Variants in CARD19 observed in about 807,000 individuals in gnomAD.
CARD19 encodes the protein caspase recruitment domain family member 19, also known as caspase recruitment domain-containing protein 19.
In CARD19, 25 loss-of-function variants were observed where a neutral mutation model predicts 24.1. The observed-to-expected ratio is 1.04, with a 90% CI of 0.76 to 1.45. CARD19 has a LOEUF of 1.45. Ranked by LOEUF, CARD19 falls within the 40% of genes most tolerant of loss-of-function variation. The pLI is 0.00. For missense variants in CARD19, 241 were observed against 247.4 expected, an observed-to-expected ratio of 0.97 and a Z score of 0.17; for synonymous variants, 103 against 104.9, an observed-to-expected ratio of 0.98 and a Z score of 0.11.
intron 1 of CARD19, among the ~76,000 whole-genome samples, chr9:93,103,429 AC>A (rs763437119): frequency 5.3e-5 from 8 of 152,374 alleles, no homozygotes; most frequent in Non-Finnish European, 2.9e-5. Context: ...AATACCTAAC[AC>A]AATGTAAATG....
intron 1 of CARD19, among the ~76,000 whole-genome samples, chr9:93,100,701 C>T (rs567327853): frequency 3.3e-5 from 5 of 152,298 alleles, no homozygotes; most frequent in East Asian, 1.9e-4. Flanking sequence ...ATTTTGTACC[C>T]GTTAAACAAT....
At chr9:93,107,252 C>T (rs776312143) in intron 1 of CARD19, among the ~76,000 whole-genome samples, 8 of 152,290 alleles carry the variant, frequency 5.3e-5, no homozygotes, top group African/African-American at 1.4e-4. Context: ...GTTGGTATTA[C>T]GGGTGTGAGC....
intron 2 of CARD19, among the ~76,000 whole-genome samples, 183 bp downstream of exon 2, chr9:93,107,999 T>C (rs1318701446): frequency 6.6e-6 from 1 of 152,204 alleles, no homozygotes; most frequent in East Asian, 1.9e-4. Context: ...AAACTGGCCC[T>C]TTGGGGTGAG....
rs767922322 is a variant in CARD19, at chr9:93,107,657, T to A, written c.8-17T>A. ...CTTGGGCTGTGCTGGCTCATGACCC[T>A]GTGCTATCTGTTTTAGATCAGACCT... On this transcript the variant is annotated splice_polypyrimidine_tract_variant and intron_variant, in intron 1 of 5. Coordinates refer to ENST00000375464, the MANE Select transcript of CARD19 (RefSeq NM_032310.5). 2.5e-6 allele frequency: 4 copies of A among 1,614,136 alleles called. No individual in the cohort carries two copies. The highest frequency in any genetic ancestry group is 1.7e-5 in the Admixed American group (1 of 60,026).
At position 93,096,223 on chromosome 9, in the gene CARD19, G is replaced by A. The variant is rs1341802855; in HGVS notation, c.-123G>A. 4.7e-6 allele frequency: 5 copies of A among 1,064,012 alleles called. No homozygotes were observed. The South Asian group carries it at 2.4e-4, about 50-fold the overall frequency. 65.9% of individuals were successfully genotyped at this position (1,064,012 alleles called of 1,614,324 possible). ...GCCGGGGGGCTGGCCTAGCCAAAAG[G>A]GGCGGGCGAGCACGGCCCGCGGGCG... is the stretch of plus-strand genomic sequence containing the variant. On this transcript the variant is annotated 5_prime_UTR_variant, in exon 1 of 6. Transcript: ENST00000375464. This position sits in a 1 kb window ranked among gnomAD's most constrained non-coding sequence, Gnocchi z 5.4.
chr9:93,111,651 A>T, intron 3 of CARD19: 1 of 1,384,738 alleles, frequency 7.2e-7, no homozygotes, highest in Middle Eastern at 2.7e-4. Flanking sequence ...CTGGAGGTAG[A>T]GCACCTTCTG....
intron 2 of CARD19, 25 bp from the exon 3 acceptor site, chr9:93,110,543 C>G (rs1364538481): frequency 5.7e-6 from 9 of 1,568,350 alleles, no homozygotes; most frequent in Non-Finnish European, 7.8e-6. Context: ...GCCTGATCTT[C>G]CCTGGCACCC....
At chr9:93,101,528 C>T (rs983160961) in intron 1 of CARD19, among the ~76,000 whole-genome samples, 25 of 151,912 alleles carry the variant, frequency 1.6e-4, no homozygotes, top group East Asian at 9.6e-4. Flanking sequence ...CAACCTCTAC[C>T]GTCCGGGTTG....
chr9:93,099,999 C>T (rs1229640584), intron 1 of CARD19, among the ~76,000 whole-genome samples: 1 of 152,180 alleles, frequency 6.6e-6, no homozygotes, highest in African/African-American at 2.4e-5. Flanking sequence ...AATGCCAGCC[C>T]GCACCCCTAC....
chr9:93,105,112 CCT>C (rs1433756737), intron 1 of CARD19, among the ~76,000 whole-genome samples: 1 of 151,698 alleles, frequency 6.6e-6, no homozygotes, highest in Non-Finnish European at 1.5e-5. Context: ...TATAATTTTC[CCT>C]CTCAGCATTG....
intron 1 of CARD19, among the ~76,000 whole-genome samples, chr9:93,105,314 T>C (rs1827215597): frequency 6.6e-6 from 1 of 152,158 alleles, no homozygotes; most frequent in Non-Finnish European, 1.5e-5. Flanking sequence ...AGAGTCTTGC[T>C]CTGTCACCCA....
intron 1 of CARD19, among the ~76,000 whole-genome samples, chr9:93,100,163 C>T (rs578238582): frequency 1.3e-5 from 2 of 152,326 alleles, no homozygotes; most frequent in East Asian, 1.9e-4. Context: ...GGTGGGTCCA[C>T]ATTCTGGGGT....
chr9:93,096,227 G>C lies in CARD19; in HGVS notation c.-119G>C. On this transcript the variant is annotated 5_prime_UTR_variant, in exon 1 of 6. Transcript: ENST00000375464. This position sits in a 1 kb window ranked among gnomAD's most constrained non-coding sequence, Gnocchi z 5.4. ...GGGGGCTGGCCTAGCCAAAAGGGGCGGGCGAGCACGGCCCGCGGGCGGCGT... is the reference window on the plus strand; with the variant it reads ...GGGGGCTGGCCTAGCCAAAAGGGGCCGGCGAGCACGGCCCGCGGGCGGCGT... 3.7e-6 allele frequency: 4 copies of C among 1,088,164 alleles called. No individual in the cohort carries two copies. In the South Asian group the frequency reaches 1.9e-4, roughly 50 times the overall value. The allele number at this position is 1,088,164 out of a possible 1,614,324, so 67.4% of individuals were successfully genotyped here. A position where few individuals can be genotyped will look rare whatever the true frequency, so the allele number is the denominator to read the frequency against.
chr9:93,104,559 A>G (rs1322141083), intron 1 of CARD19, among the ~76,000 whole-genome samples: 1 of 152,150 alleles, frequency 6.6e-6, no homozygotes, highest in African/African-American at 2.4e-5. Flanking sequence ...CTTTAAATAT[A>G]TGGTAGAATT....
intron 3 of CARD19, 118 bp downstream of exon 3, chr9:93,110,839 TG>T: frequency 1.3e-6 from 2 of 1,535,832 alleles, no homozygotes; most frequent in Non-Finnish European, 1.7e-6. Context: ...AGCCCAGGCC[TG>T]GCATCCCCTC....
intron 1 of CARD19, among the ~76,000 whole-genome samples, chr9:93,107,414 T>A (rs1268715898): frequency 6.6e-6 from 1 of 152,276 alleles, no homozygotes; most frequent in Non-Finnish European, 1.5e-5. Flanking sequence ...TTGTTTTCTG[T>A]GATAAGCTCT....
At chr9:93,107,837 G>C (rs981758353) in intron 2 of CARD19, 21 bp downstream of exon 2, 1 of 1,613,820 alleles carries the variant, frequency 6.2e-7, no homozygotes, top group South Asian at 1.1e-5. Flanking sequence ...GGTGAGGGGG[G>C]TACCCGAGAC....
chr9:93,103,692 A>C lies in CARD19; in HGVS notation c.8-3982A>C, dbSNP rs138286412. Among the ~76,000 whole-genome samples, 532 of 152,356 alleles carry C rather than the reference A, an allele frequency of 3.5e-3. 2 individuals are homozygous for C. Among genetic ancestry groups the C allele is most frequent in the African/African-American group, 0.012 (511 of 41,582 alleles). On this transcript the variant is annotated intron_variant, in intron 1 of 5. Transcript: ENST00000375464. Reference sequence around the variant, plus strand: ...GAATTTATAATGAGCAGAAATTTATAGGCTCATGCTTCTAGAGTTTTGGAA... The same window carrying C: ...GAATTTATAATGAGCAGAAATTTATCGGCTCATGCTTCTAGAGTTTTGGAA...
chr9:93,101,564 C>T (rs1827084948), intron 1 of CARD19, among the ~76,000 whole-genome samples: 1 of 151,970 alleles, frequency 6.6e-6, no homozygotes, highest in African/African-American at 2.4e-5. Context: ...CTCAGCCTCC[C>T]AAGTAGCTGG....
Sources: gnomAD v4.1 joint callset for allele counts (sites outside exome capture counted in the v4.1 genomes callset) on GRCh38, gnomAD v4.1.1 for gene constraint, Gnocchi (gnomAD v3.1) non-coding constraint, MANE v1.5 for transcripts, NCBI Gene and HGNC (gene_info 2026-07-23, HGNC 2026-07-21) for gene names.